ARL6IP6: variants seen among roughly 807,000 people sequenced by gnomAD.
ARL6IP6 encodes ARF like GTPase 6 interacting protein 6.
In ARL6IP6, 22 loss-of-function variants were observed where a neutral mutation model predicts 21.5. The ratio of observed to expected loss-of-function variants is 1.02; its 90% confidence interval spans 0.73 to 1.46. The LOEUF (loss-of-function observed/expected upper bound fraction) is 1.46, where lower values mean the gene tolerates loss of function less well. Among genes scored for constraint, ARL6IP6 ranks in the 40% most tolerant of loss-of-function variants. ARL6IP6 has a pLI of 0.00. For synonymous variants in ARL6IP6, 164 were observed against 125.3 expected, an observed-to-expected ratio of 1.31 and a Z score of -2.06; for missense variants, 388 against 299.8, an observed-to-expected ratio of 1.29 and a Z score of -2.17.
At chr2:152,741,980 A>T (rs965363453) in intron 3 of ARL6IP6, among the ~76,000 whole-genome samples, 1 of 152,190 alleles carries the variant, frequency 6.6e-6, no homozygotes, top group African/African-American at 2.4e-5. Context: ...CAGTAAGTTT[A>T]GATTTTTTGG....
rs752532457 is a variant in ARL6IP6 at position 152,761,668 on chromosome 2, T to A, written c.*1828T>A. Among the ~76,000 whole-genome samples, 37 of 152,202 alleles carry A rather than the reference T, an allele frequency of 2.4e-4. No homozygotes were observed. The highest frequency in any genetic ancestry group is 4.7e-4 in the Non-Finnish European group (32 of 68,034). On this transcript the variant is annotated 3_prime_UTR_variant, in exon 4 of 4. Transcript: ENST00000326446. ...TTTTTTACTTTATTTTTTCTCTGTT[T>A]AGATACACAAATATTTACCATTGTG...
intron 3 of ARL6IP6, among the ~76,000 whole-genome samples, chr2:152,747,135 C>G (rs1403347932): frequency 6.6e-6 from 1 of 151,922 alleles, no homozygotes; most frequent in Non-Finnish European, 1.5e-5. Context: ...CAGCCAACAA[C>G]TAATTGTTAA....
chr2:152,747,006 AT>A (rs1701088950), intron 3 of ARL6IP6, among the ~76,000 whole-genome samples: 1 of 151,104 alleles, frequency 6.6e-6, no homozygotes, highest in East Asian at 1.9e-4. Flanking sequence ...TTTTATTTTT[AT>A]TTTGTAGAGA....
chr2:152,757,302 T>C (rs1010941592), intron 3 of ARL6IP6, among the ~76,000 whole-genome samples: 2 of 152,152 alleles, frequency 1.3e-5, no homozygotes, highest in Non-Finnish European at 2.9e-5. Flanking sequence ...ATGTGGTTGG[T>C]GAGTATATGA....
Position 152,718,872 on chromosome 2 carries a change from T to G in ARL6IP6, c.248T>G (p.Leu83Arg), listed in dbSNP as rs745895690. 6.2e-7 allele frequency: 1 copy of G among 1,613,644 alleles called. No homozygotes were observed. The highest frequency in any genetic ancestry group is 8.5e-7 in the Non-Finnish European group (1 of 1,179,840). Residue 83 changes from leucine (L) to arginine (R), a missense_variant, in exon 1 of 4, where the codon CTG becomes CGG. By Grantham distance (102) the Leu-to-Arg change is moderately radical. Transcript: ENST00000326446. ...CCGGACGGGAACGGGTCGCCCGTTC[T>G]GCCCGATAAGCGCAATGGTATCTTT... is the stretch of plus-strand genomic sequence containing the variant. Reference protein sequence around the residue: ...LPPDGNGSPVLPDKRNGIFPA... With the variant: ...LPPDGNGSPVRPDKRNGIFPA...
intron 3 of ARL6IP6, among the ~76,000 whole-genome samples, chr2:152,759,204 T>A (rs1442125256): frequency 2.6e-5 from 4 of 152,210 alleles, no homozygotes; most frequent in Middle Eastern, 6.3e-3. Context: ...TTGCTGATTC[T>A]TAAGAACTCA....
intron 2 of ARL6IP6, among the ~76,000 whole-genome samples, chr2:152,728,990 G>A (rs536122013): frequency 5.3e-5 from 8 of 151,880 alleles, no homozygotes; most frequent in South Asian, 4.2e-4. Context: ...CCTGGGAGGC[G>A]GAGGTTGCAG....
chr2:152,751,033 G>A (rs1472430097), intron 3 of ARL6IP6, among the ~76,000 whole-genome samples: 1 of 152,164 alleles, frequency 6.6e-6, no homozygotes, highest in Non-Finnish European at 1.5e-5. Flanking sequence ...ATGTTGCCAT[G>A]AAACCGTGGG....
intron 2 of ARL6IP6, among the ~76,000 whole-genome samples, chr2:152,728,142 T>A (rs1019929776): frequency 6.6e-6 from 1 of 152,222 alleles, no homozygotes; most frequent in Non-Finnish European, 1.5e-5. Context: ...GTATATTCTG[T>A]ATTAGTATAC....
intron 3 of ARL6IP6, among the ~76,000 whole-genome samples, chr2:152,757,740 G>A (rs1405534152): frequency 6.6e-6 from 1 of 152,194 alleles, no homozygotes; most frequent in Non-Finnish European, 1.5e-5. Context: ...TGTGACAATT[G>A]CTACAGTGTT....
upstream of ARL6IP6, chr2:152,718,599 C>T (rs751551555): frequency 2.5e-5 from 38 of 1,501,316 alleles, no homozygotes; most frequent in East Asian, 7.3e-4. Flanking sequence ...GGCTCGTTCT[C>T]CGCGGGTTTC....
intron 2 of ARL6IP6, among the ~76,000 whole-genome samples, chr2:152,726,035 A>G (rs530291167): frequency 6.6e-6 from 1 of 152,346 alleles, no homozygotes; most frequent in East Asian, 1.9e-4. Context: ...TATAAATTTA[A>G]CAGGATTGCC....
intron 3 of ARL6IP6, among the ~76,000 whole-genome samples, chr2:152,740,730 T>C (rs1165846548): frequency 1.3e-5 from 2 of 152,060 alleles, no homozygotes; most frequent in Non-Finnish European, 2.9e-5. Flanking sequence ...CCCAGGAGTT[T>C]ATTATACAAA....
At chr2:152,750,109 A>G (rs1701252856) in intron 3 of ARL6IP6, among the ~76,000 whole-genome samples, 2 of 152,166 alleles carry the variant, frequency 1.3e-5, no homozygotes, top group Non-Finnish European at 2.9e-5. Flanking sequence ...ACCTGTTTTA[A>G]TAGGTAAAAA....
At chr2:152,740,472 A>G (rs1417661284) in intron 3 of ARL6IP6, among the ~76,000 whole-genome samples, 1 of 151,370 alleles carries the variant, frequency 6.6e-6, no homozygotes, top group Non-Finnish European at 1.5e-5. Context: ...AAATCTAAAA[A>G]TGGTTTTGAA....
chr2:152,731,649 A>G (rs1700317212), intron 2 of ARL6IP6, among the ~76,000 whole-genome samples: 1 of 152,152 alleles, frequency 6.6e-6, no homozygotes, highest in Non-Finnish European at 1.5e-5. Context: ...TTCTATTTTG[A>G]ATAGGTAGAA....
chr2:152,754,838 C>T (rs1701503526), intron 3 of ARL6IP6, among the ~76,000 whole-genome samples: 2 of 152,074 alleles, frequency 1.3e-5, no homozygotes, highest in African/African-American at 4.8e-5. Flanking sequence ...TGAGCATCAT[C>T]AGCTTTTCAT....
At chr2:152,724,781 A>T (rs1439445468) in intron 2 of ARL6IP6, among the ~76,000 whole-genome samples, 1 of 152,182 alleles carries the variant, frequency 6.6e-6, no homozygotes, top group Non-Finnish European at 1.5e-5. Context: ...GTAGTGTGAG[A>T]TGGAGCCCAA....
At chr2:152,758,186 C>A (rs1701673164) in intron 3 of ARL6IP6, among the ~76,000 whole-genome samples, 2 of 152,046 alleles carry the variant, frequency 1.3e-5, no homozygotes, top group African/African-American at 4.8e-5. Flanking sequence ...TAAAACATCT[C>A]CACATTATTT....
Sources: allele counts gnomAD v4.1 joint callset (sites outside exome capture counted in the v4.1 genomes callset), GRCh38; gene constraint gnomAD v4.1.1; transcripts MANE v1.5; gene names NCBI Gene and HGNC (gene_info 2026-07-23, HGNC 2026-07-21).